SMYD3: variants seen among roughly 807,000 people sequenced by gnomAD.
SMYD3 encodes SET and MYND domain containing 3.
A neutral mutation model predicts 57.7 loss-of-function variants in SMYD3; 36 were observed. The observed-to-expected ratio is 0.62, with a 90% CI of 0.48 to 0.82. SMYD3 has a LOEUF of 0.82. SMYD3 is among the 40% of genes least tolerant of loss of function. The probability of loss-of-function intolerance (pLI) is 0.00; values close to 1 mark genes in which losing one functional copy is unlikely to be tolerated. For missense variants in SMYD3, 515 were observed against 538.8 expected, an observed-to-expected ratio of 0.96 and a Z score of 0.44; for synonymous variants, 211 against 195.0, an observed-to-expected ratio of 1.08 and a Z score of -0.68.
chr1:246,347,507 T>C (rs2065742327), intron 2 of SMYD3, among the ~76,000 whole-genome samples: 2 of 152,224 alleles, frequency 1.3e-5, no homozygotes, highest in African/African-American at 4.8e-5. Flanking sequence ...CAGTAATATG[T>C]CATTTTCTGA....
intron 5 of SMYD3, chr1:246,189,180 A>T (rs1299178579): frequency 6.6e-6 from 1 of 152,180 alleles, no homozygotes; most frequent in Non-Finnish European, 1.5e-5. Context: ...CTAACTTCTT[A>T]AAGAGAAAGG....
intron 2 of SMYD3, among the ~76,000 whole-genome samples, chr1:246,351,704 G>T (rs2065826953): frequency 6.6e-6 from 1 of 152,164 alleles, no homozygotes; most frequent in Non-Finnish European, 1.5e-5. Flanking sequence ...CCATAAAATA[G>T]ACACATATGG....
intron 5 of SMYD3, among the ~76,000 whole-genome samples, chr1:246,038,559 A>G (rs1351371670): frequency 1.3e-5 from 2 of 152,236 alleles, no homozygotes; most frequent in African/African-American, 4.8e-5. Flanking sequence ...GTTAAAAAAC[A>G]CTTCTCGACA....
intron 1 of SMYD3, among the ~76,000 whole-genome samples, chr1:246,460,124 T>A (rs2067774215): frequency 6.6e-6 from 1 of 152,220 alleles, no homozygotes; most frequent in Admixed American, 6.5e-5. Flanking sequence ...TGGTTTCTAT[T>A]TCCTGCAAAC....
At chr1:246,432,788 G>GA (rs2067316838) in intron 1 of SMYD3, among the ~76,000 whole-genome samples, 1 of 152,108 alleles carries the variant, frequency 6.6e-6, no homozygotes, top group African/African-American at 2.4e-5. Flanking sequence ...AAAACATTCC[G>GA]AAAGCTTTTT....
chr1:245,807,054 G>A (rs937423734), intron 10 of SMYD3, among the ~76,000 whole-genome samples: 2 of 152,022 alleles, frequency 1.3e-5, no homozygotes, highest in African/African-American at 2.4e-5. Flanking sequence ...AGTCAAGAGT[G>A]GGGTGTGGTC....
intron 5 of SMYD3, among the ~76,000 whole-genome samples, chr1:246,171,572 C>T (rs962135317): frequency 1.3e-5 from 2 of 152,166 alleles, no homozygotes; most frequent in African/African-American, 4.8e-5. Context: ...GTCTACTACA[C>T]ACCTGGGCTA....
chr1:246,210,947 C>A (rs1373204755), intron 5 of SMYD3, among the ~76,000 whole-genome samples: 1 of 152,122 alleles, frequency 6.6e-6, no homozygotes, highest in Non-Finnish European at 1.5e-5. Flanking sequence ...CTGGCAGACA[C>A]CACCACTGTC....
chr1:246,478,507 CTGT>C (rs1255362864), intron 1 of SMYD3, among the ~76,000 whole-genome samples: 1,790 of 123,534 alleles, frequency 0.014, 387 homozygotes, highest in Non-Finnish European at 0.021. Context: ...CACCTGTCCT[CTGT>C]CCTGGAGCTG....
At chr1:246,242,750 G>A (rs1015971417) in intron 5 of SMYD3, among the ~76,000 whole-genome samples, 12 of 151,856 alleles carry the variant, frequency 7.9e-5, no homozygotes, top group African/African-American at 2.2e-4. Context: ...AAGATATGGA[G>A]GAAGATCTAC....
intron 5 of SMYD3, among the ~76,000 whole-genome samples, chr1:246,184,321 G>A (rs1055090853): frequency 2.6e-5 from 4 of 152,150 alleles, no homozygotes; most frequent in Non-Finnish European, 5.9e-5. Context: ...GGAAAACCTT[G>A]TAACCACTGA....
In SMYD3 at chr1:245,820,621, G is replaced by A. The variant is rs184533620; in HGVS notation, c.1076+37875C>T. Among the ~76,000 whole-genome samples, 73 of 152,254 alleles carry A rather than the reference G, an allele frequency of 4.8e-4. No homozygotes were observed. The East Asian group carries it at 0.013, about 27-fold the overall frequency. ...AGTCAAATTGTCCCTGTTTGCAGAC[G>A]ACATGATTGTATATCTAGAAAACCC... On this transcript the variant is annotated intron_variant, in intron 10 of 11. Coordinates refer to ENST00000490107, the MANE Select transcript of SMYD3 (RefSeq NM_001167740.2).
intron 5 of SMYD3, among the ~76,000 whole-genome samples, chr1:246,097,900 G>A (rs937824040): frequency 6.6e-6 from 1 of 151,988 alleles, no homozygotes; most frequent in Non-Finnish European, 1.5e-5. Context: ...AAAATTATGT[G>A]GTGTCAGAAG....
chr1:245,814,310 T>C, intron 10 of SMYD3: 1 of 919,260 alleles, frequency 1.1e-6, no homozygotes, highest in Non-Finnish European at 1.3e-6. Flanking sequence ...ACCACTGTCT[T>C]CATAGGAATA....
intron 5 of SMYD3, chr1:246,193,704 A>C (rs545291042): frequency 6.6e-6 from 1 of 152,170 alleles, no homozygotes; most frequent in Non-Finnish European, 1.5e-5. Flanking sequence ...GTCTTCTCCT[A>C]CTTCCTCAGG....
intron 5 of SMYD3, among the ~76,000 whole-genome samples, chr1:246,104,041 C>T (rs10924506): frequency 0.021 from 3,190 of 152,270 alleles, 143 homozygotes; most frequent in East Asian, 0.15. Flanking sequence ...TTATCTTATA[C>T]GCCTGGTATG....
At chr1:246,299,294 A>T (rs1017187550) in intron 5 of SMYD3, among the ~76,000 whole-genome samples, 5 of 152,198 alleles carry the variant, frequency 3.3e-5, no homozygotes, top group African/African-American at 4.8e-5. Flanking sequence ...CCACAAAGAG[A>T]TACCATCTCA....
intron 1 of SMYD3, among the ~76,000 whole-genome samples, chr1:246,420,331 A>G (rs1308514040): frequency 1.3e-5 from 2 of 152,230 alleles, no homozygotes; most frequent in African/African-American, 2.4e-5. Context: ...CCATCATGCA[A>G]GAGACTGCTC....
chr1:246,277,828 A>G (rs867385848), intron 5 of SMYD3, among the ~76,000 whole-genome samples: 3 of 152,216 alleles, frequency 2.0e-5, no homozygotes, highest in African/African-American at 7.2e-5. Context: ...AAAGTCATCT[A>G]TAGATACAAA....
Sources: allele counts gnomAD v4.1 joint callset (sites outside exome capture counted in the v4.1 genomes callset), GRCh38; gene constraint gnomAD v4.1.1; transcripts MANE v1.5; gene names NCBI Gene and HGNC (gene_info 2026-07-23, HGNC 2026-07-21).